The following CPXM2 variants were observed in gnomAD, a reference collection of about 807,000 sequenced individuals.
The protein encoded by CPXM2 is inactive carboxypeptidase-like protein X2.
CPXM2 carries 66 observed loss-of-function variants against 86.1 expected under a neutral mutation model. The observed-to-expected ratio is 0.77, with a 90% CI of 0.63 to 0.94. CPXM2 has a LOEUF of 0.94. Ranked by LOEUF, CPXM2 falls within the 40% of genes least tolerant of loss-of-function variation. The pLI is 0.00. For missense variants in CPXM2, 948 were observed against 1,026.3 expected, an observed-to-expected ratio of 0.92 and a Z score of 1.04; for synonymous variants, 388 against 400.2, an observed-to-expected ratio of 0.97 and a Z score of 0.36.
In CPXM2 at chr10:123,916,881, G is replaced by A. The variant is rs147658146; in HGVS notation, n.174+22596C>T. Among the ~76,000 whole-genome samples, 1,310 of 151,986 alleles carry A rather than the reference G, an allele frequency of 8.6e-3. 21 individuals carry two copies. The highest frequency in any genetic ancestry group is 0.03 in the African/African-American group (1,253 of 41,426). Reference sequence around the variant, plus strand: ...CAGCTTGGAACTCCTGAGTTCAAGCGATCCTCCTGCCTTGATAACCAGAGT... The same window carrying A: ...CAGCTTGGAACTCCTGAGTTCAAGCAATCCTCCTGCCTTGATAACCAGAGT... On this transcript the variant is annotated intron_variant and non_coding_transcript_variant, in intron 2 of 19. Coordinates refer to the CPXM2 transcript ENST00000368854.
chr10:123,848,325 C>T (rs563833514), intron 3 of CPXM2, among the ~76,000 whole-genome samples: 28 of 152,326 alleles, frequency 1.8e-4, no homozygotes, highest in Middle Eastern at 3.4e-3. Context: ...ATTGGCAATG[C>T]ACCTTGTCCC....
intron 3 of CPXM2, among the ~76,000 whole-genome samples, chr10:123,849,595 G>C (rs113820652): frequency 0.029 from 4,357 of 151,984 alleles, 78 homozygotes; most frequent in African/African-American, 0.053. Context: ...TGTATTTTTA[G>C]TACAGACAAG....
intron 4 of CPXM2, among the ~76,000 whole-genome samples, chr10:123,802,957 G>T (rs115703634): frequency 6.6e-6 from 1 of 151,722 alleles, no homozygotes; most frequent in African/African-American, 2.4e-5. Flanking sequence ...CATCTTTTGA[G>T]AAGTGCCTAC....
At chr10:123,811,378 T>G (rs1010198744) in intron 4 of CPXM2, among the ~76,000 whole-genome samples, 1 of 152,166 alleles carries the variant, frequency 6.6e-6, no homozygotes, top group Non-Finnish European at 1.5e-5. Flanking sequence ...AATTCCCACC[T>G]ATGAGTGAGA....
intron 13 of CPXM2, chr10:123,752,399 C>T (rs1846098736): frequency 1.0e-6 from 1 of 984,838 alleles, no homozygotes; most frequent in African/African-American, 1.7e-5. Context: ...AAATCAGTAA[C>T]TAGATGGGAA....
At chr10:123,931,145 T>G (rs918281228) in intron 2 of CPXM2, among the ~76,000 whole-genome samples, 2 of 152,096 alleles carry the variant, frequency 1.3e-5, no homozygotes, top group African/African-American at 4.8e-5. Flanking sequence ...CAAAGAGACT[T>G]CCGGTGGGAA....
intron 4 of CPXM2, among the ~76,000 whole-genome samples, chr10:123,840,443 G>T (rs1848363425): frequency 6.6e-6 from 1 of 152,106 alleles, no homozygotes; most frequent in Admixed American, 6.5e-5. Context: ...TCAAAGAAAA[G>T]AATTCAAATG....
At chr10:123,758,634 G>A (rs771435012) in intron 11 of CPXM2, among the ~76,000 whole-genome samples, 7 of 152,258 alleles carry the variant, frequency 4.6e-5, no homozygotes, top group South Asian at 4.1e-4. Context: ...CCACCAACCC[G>A]CCCACTATAC....
chr10:123,770,711 C>T (rs1433972208), intron 8 of CPXM2, among the ~76,000 whole-genome samples: 4 of 152,126 alleles, frequency 2.6e-5, no homozygotes, highest in African/African-American at 9.7e-5. Flanking sequence ...ATGGGTATTT[C>T]CAGTGTAAAT....
intron 4 of CPXM2, among the ~76,000 whole-genome samples, chr10:123,829,623 C>T (rs576439781): frequency 6.6e-6 from 1 of 152,046 alleles, no homozygotes; most frequent in Non-Finnish European, 1.5e-5. Flanking sequence ...AGGCAATCCC[C>T]TAAAAGATCA....
chr10:123,813,694 T>G (rs1464320293), intron 4 of CPXM2, among the ~76,000 whole-genome samples: 3 of 152,190 alleles, frequency 2.0e-5, no homozygotes, highest in Non-Finnish European at 2.9e-5. Context: ...ATCTAGATCT[T>G]AGTGAATTTT....
At chr10:123,922,683 C>G (rs927312315) in intron 2 of CPXM2, among the ~76,000 whole-genome samples, 1 of 152,156 alleles carries the variant, frequency 6.6e-6, no homozygotes, top group Non-Finnish European at 1.5e-5. Flanking sequence ...ATAGGAGGCT[C>G]GGCGAGGTGA....
At chr10:123,909,114 ACT>A (rs1171455844) in intron 2 of CPXM2, among the ~76,000 whole-genome samples, 1 of 152,132 alleles carries the variant, frequency 6.6e-6, no homozygotes, top group Admixed American at 6.5e-5. Context: ...GCACAGGCAC[ACT>A]CTGCCATCAA....
chr10:123,867,033 C>T (rs1025961135), intron 2 of CPXM2, among the ~76,000 whole-genome samples: 28 of 152,230 alleles, frequency 1.8e-4, no homozygotes, highest in African/African-American at 6.5e-4. Flanking sequence ...CGCCATGCCC[C>T]GCAGTAGGCA....
At chr10:123,928,365 A>G (rs1024077736) in intron 2 of CPXM2, among the ~76,000 whole-genome samples, 1 of 152,246 alleles carries the variant, frequency 6.6e-6, no homozygotes, top group Non-Finnish European at 1.5e-5. Flanking sequence ...AAATGACTGC[A>G]ATTTAAAATT....
Position 123,901,410 on chromosome 10 carries a change from T to A in CPXM2, n.175-21101A>T, listed in dbSNP as rs1055354686. 4.0e-5 allele frequency among the ~76,000 whole-genome samples: 6 copies of A among 148,744 alleles called. No homozygotes were observed. In the South Asian group the frequency reaches 1.3e-3, roughly 32 times the overall value. On this transcript the variant is annotated intron_variant and non_coding_transcript_variant, in intron 2 of 19. Transcript: ENST00000368854. The stretch of plus-strand genomic sequence containing the variant: ...CCTGGGAGCAGCAAACACCTTGTTT[T>A]CCTTCCATCCAAGCAAGTTTGTGTG...
chr10:123,934,036 C>A (rs1945691958), intron 2 of CPXM2, among the ~76,000 whole-genome samples: 1 of 152,158 alleles, frequency 6.6e-6, no homozygotes, highest in Admixed American at 6.5e-5. Flanking sequence ...ATTAGGGCTG[C>A]TCCTGGAGCC....
rs537178892 is a variant in CPXM2 at position 123,832,826 on chromosome 10, T to TAAAAAAAAA, written c.653+9514_653+9522dup. On this transcript the variant is annotated intron_variant, in intron 4 of 13. Transcript: ENST00000241305. ...TGGGCAACAAGAGCAAAACTCTGTC[T>TAAAAAAAAA]AAAAAAAAAAAGAAGTGGGTCTTTG... Among the ~76,000 whole-genome samples the TAAAAAAAAA allele has an allele frequency of 5.2e-4, 69 of 133,516 alleles. 3 individuals carry two copies. Among genetic ancestry groups the TAAAAAAAAA allele is most frequent in the African/African-American group, 6.9e-4 (22 of 31,942 alleles). 87.6% of individuals were successfully genotyped at this position (133,516 alleles called of 152,430 possible). A position where few individuals can be genotyped will look rare whatever the true frequency, so the allele number is the denominator to read the frequency against.
chr10:123,923,034 T>C (rs1369705691), intron 2 of CPXM2, among the ~76,000 whole-genome samples: 1 of 152,106 alleles, frequency 6.6e-6, no homozygotes, highest in Non-Finnish European at 1.5e-5. Context: ...GGGAGATCTA[T>C]TCAAGCCTCT....
Sources: allele counts gnomAD v4.1 joint callset (sites outside exome capture counted in the v4.1 genomes callset), GRCh38; gene constraint gnomAD v4.1.1; transcripts MANE v1.5; gene names NCBI Gene and HGNC (gene_info 2026-07-23, HGNC 2026-07-21).